SLC9A9: variants seen among roughly 807,000 people sequenced by gnomAD.
The protein encoded by SLC9A9 is sodium/hydrogen exchanger 9.
A neutral mutation model predicts 77.8 loss-of-function variants in SLC9A9; 62 were observed. The ratio of observed to expected loss-of-function variants is 0.80; its 90% CI spans 0.65 to 0.98. The LOEUF (loss-of-function observed/expected upper bound fraction) is 0.98. SLC9A9 is among the 50% of genes least tolerant of loss of function. The pLI is 0.00. For synonymous variants in SLC9A9, 320 were observed against 283.5 expected, an observed-to-expected ratio of 1.13 and a Z score of -1.29; for missense variants, 775 against 774.9, an observed-to-expected ratio of 1.00 and a Z score of 0.00.
intron 4 of SLC9A9, among the ~76,000 whole-genome samples, chr3:143,785,610 G>C (rs1191152733): frequency 6.6e-6 from 1 of 152,074 alleles, no homozygotes; most frequent in Admixed American, 6.5e-5. Context: ...TTATGTTTTG[G>C]GGGTAGTTTG....
chr3:143,603,363 T>G (rs2037874320), intron 6 of SLC9A9, among the ~76,000 whole-genome samples: 1 of 152,212 alleles, frequency 6.6e-6, no homozygotes, highest in South Asian at 2.1e-4. Flanking sequence ...CATTCCTCTC[T>G]CACATTGCAC....
intron 6 of SLC9A9, among the ~76,000 whole-genome samples, chr3:143,647,915 A>G (rs62269851): frequency 0.073 from 11,096 of 152,258 alleles, 396 homozygotes; most frequent in East Asian, 0.11. Flanking sequence ...AATCACGTGT[A>G]AAAATGGTTA....
chr3:143,484,521 A>C (rs1353022374), intron 11 of SLC9A9, among the ~76,000 whole-genome samples: 1 of 152,192 alleles, frequency 6.6e-6, no homozygotes, highest in Non-Finnish European at 1.5e-5. Context: ...ACCTCACCTG[A>C]TTCATCACCT....
intron 3 of SLC9A9, among the ~76,000 whole-genome samples, chr3:143,796,025 C>A (rs986459585): frequency 3.3e-5 from 5 of 152,118 alleles, no homozygotes; most frequent in African/African-American, 1.2e-4. Flanking sequence ...AGGAAGAAAG[C>A]CCCAGGAATC....
At chr3:143,795,758 C>G (rs1347920030) in intron 3 of SLC9A9, among the ~76,000 whole-genome samples, 1 of 152,134 alleles carries the variant, frequency 6.6e-6, no homozygotes, top group Non-Finnish European at 1.5e-5. Flanking sequence ...TCCCCCAAAC[C>G]TACAGCAATT....
chr3:143,316,403 G>A (rs1326772112), intron 14 of SLC9A9, among the ~76,000 whole-genome samples: 1 of 152,182 alleles, frequency 6.6e-6, no homozygotes, highest in Non-Finnish European at 1.5e-5. Flanking sequence ...TGCTCAGTGT[G>A]CTGAGAGGGA....
At position 143,552,292 on chromosome 3, in the gene SLC9A9, C is replaced by T. The variant is rs151338948; in HGVS notation, c.1089+70G>A. ...ACTAATGAAACTCTTTCTGACTATA[C>T]TGCCAGAATTGCTACATAACCATTT... On this transcript the variant is annotated intron_variant, in intron 9 of 15. Transcript: ENST00000316549. 1.7e-3 allele frequency: 1,922 copies of T among 1,099,610 alleles called. 5 individuals are homozygous for T. The highest frequency in any genetic ancestry group is 3.8e-3 in the Admixed American group (189 of 50,320). 68.1% of individuals were successfully genotyped at this position (1,099,610 alleles called of 1,614,324 possible).
intron 12 of SLC9A9, among the ~76,000 whole-genome samples, chr3:143,437,171 G>T (rs1457405197): frequency 6.6e-6 from 1 of 152,232 alleles, no homozygotes; most frequent in Non-Finnish European, 1.5e-5. Flanking sequence ...CATAGCAGGG[G>T]CTCCATACAT....
Position 143,726,709 on chromosome 3 carries a change from G to T in SLC9A9, c.534-33402C>A, listed in dbSNP as rs547633487. 2.7e-5 allele frequency among the ~76,000 whole-genome samples: 4 copies of T among 150,654 alleles called. No individual in the cohort carries two copies. The South Asian group carries it at 8.4e-4, about 32-fold the overall frequency. On this transcript the variant is annotated intron_variant, in intron 4 of 15. Transcript: ENST00000316549. ...CAGAGTTCTAAAATGTATTGACCCA[G>T]TTAATTAAATAACATCTTCATTGCC...
At chr3:143,635,442 T>C (rs184556486) in intron 6 of SLC9A9, among the ~76,000 whole-genome samples, 3 of 152,348 alleles carry the variant, frequency 2.0e-5, no homozygotes, top group South Asian at 2.1e-4. Flanking sequence ...CCACTGGCTG[T>C]CTCAAGCATC....
At chr3:143,476,932 A>G (rs1240321614) in intron 11 of SLC9A9, among the ~76,000 whole-genome samples, 1 of 152,198 alleles carries the variant, frequency 6.6e-6, no homozygotes, top group South Asian at 2.1e-4. Context: ...AAATGTCCAT[A>G]GTTGCTGGGG....
intron 4 of SLC9A9, among the ~76,000 whole-genome samples, chr3:143,762,294 A>G (rs1293379935): frequency 1.3e-5 from 2 of 152,178 alleles, no homozygotes; most frequent in Non-Finnish European, 2.9e-5. Context: ...TACATATGTA[A>G]CAAACCTGCA....
At chr3:143,389,513 T>G (rs942973847) in intron 12 of SLC9A9, among the ~76,000 whole-genome samples, 4 of 152,194 alleles carry the variant, frequency 2.6e-5, no homozygotes, top group Admixed American at 2.0e-4. Flanking sequence ...TTAGCCATAT[T>G]AAAGAAGGAG....
At chr3:143,499,121 G>T (rs376390398) in intron 9 of SLC9A9, among the ~76,000 whole-genome samples, 4 of 152,092 alleles carry the variant, frequency 2.6e-5, no homozygotes, top group African/African-American at 9.7e-5. Flanking sequence ...ACATTTTACT[G>T]ATGTTTTCTG....
intron 5 of SLC9A9, among the ~76,000 whole-genome samples, chr3:143,667,483 G>A (rs2039088104): frequency 6.6e-6 from 1 of 152,140 alleles, no homozygotes; most frequent in African/African-American, 2.4e-5. Flanking sequence ...TGACAAATGG[G>A]ATCTAATTAA....
At chr3:143,668,663 T>C (rs1900650) in intron 5 of SLC9A9, among the ~76,000 whole-genome samples, 1,905 of 152,270 alleles carry the variant, frequency 0.013, 41 homozygotes, top group East Asian at 0.039. Flanking sequence ...TGGAAAGCAA[T>C]AGGCAATTAA....
chr3:143,812,574 C>T (rs1014675793), intron 2 of SLC9A9, among the ~76,000 whole-genome samples: 1 of 152,186 alleles, frequency 6.6e-6, no homozygotes, highest in Non-Finnish European at 1.5e-5. Context: ...GACATGTAGA[C>T]TACATTTCCT....
At chr3:143,700,055 C>A (rs538588811) in intron 4 of SLC9A9, among the ~76,000 whole-genome samples, 7 of 152,018 alleles carry the variant, frequency 4.6e-5, no homozygotes, top group East Asian at 3.9e-4. Flanking sequence ...GGCCCTAGCT[C>A]CCAGATAACA....
At chr3:143,350,569 A>G (rs1329487983) in intron 14 of SLC9A9, among the ~76,000 whole-genome samples, 1 of 151,976 alleles carries the variant, frequency 6.6e-6, no homozygotes, top group Non-Finnish European at 1.5e-5. Context: ...TTGCACCTTT[A>G]CTTGTGACCT....
Sources: allele counts gnomAD v4.1 joint callset (sites outside exome capture counted in the v4.1 genomes callset), GRCh38; gene constraint gnomAD v4.1.1; transcripts MANE v1.5; gene names NCBI Gene and HGNC (gene_info 2026-07-23, HGNC 2026-07-21).